The following HELQ variants were observed in gnomAD, a reference collection of about 807,000 sequenced individuals.
The protein encoded by HELQ is helicase, POLQ like, also known as helicase POLQ-like.
In HELQ, 77 loss-of-function variants were observed where a neutral mutation model predicts 111.6. The observed-to-expected ratio is 0.69, with a 90% CI of 0.57 to 0.83. The LOEUF is 0.83. HELQ is among the 40% of genes least tolerant of loss of function. The pLI is 0.00. For synonymous variants in HELQ, 438 were observed against 454.7 expected, an observed-to-expected ratio of 0.96 and a Z score of 0.47; for missense variants, 1,200 against 1,288.5, an observed-to-expected ratio of 0.93 and a Z score of 1.05.
chr4:83,427,848 A>G, intron 12 of HELQ, 128 bp from the exon 13 acceptor site: 1 of 571,130 alleles, frequency 1.8e-6, no homozygotes, highest in Non-Finnish European at 2.9e-6. Context: ...ACATCTTACT[A>G]TATAACTATT....
In HELQ at chr4:83,407,545, T is replaced by C. The variant is rs1738859346; in HGVS notation, c.3214A>G (p.Lys1072Glu). 2 of 1,610,576 alleles carry C rather than the reference T, an allele frequency of 1.2e-6. No individual in the cohort carries two copies. The highest frequency in any genetic ancestry group is 1.7e-6 in the Non-Finnish European group (2 of 1,178,698). Residue 1072 changes from lysine (K) to glutamate (E), a missense_variant, in exon 18 of 18, where the codon AAA becomes GAA. Lys to Glu is a moderately conservative substitution (Grantham distance 56). This residue lies in a region of HELQ where 585 missense variants were observed against 665.3 expected (regional missense o/e 0.88). Transcript: ENST00000295488. ...ACCTCTTCTTGCAGGGCTTCTGCTT[T>C]TTCATGCAACAGCATCTACATTAAA... is the stretch of plus-strand genomic sequence containing the variant. ...VSSAKMLLHE[K>E]AEALQEEVEE...
intron 15 of HELQ, 91 bp downstream of exon 15, chr4:83,421,472 T>G: frequency 2.3e-6 from 2 of 874,476 alleles, no homozygotes; most frequent in Non-Finnish European, 3.5e-6. Flanking sequence ...AAGGAGAAAA[T>G]GCTGACATAC....
intron 3 of HELQ, 89 bp from the exon 4 acceptor site, chr4:83,447,124 G>C (rs1721093815): frequency 1.2e-6 from 1 of 800,070 alleles, no homozygotes. Flanking sequence ...GAGGCGGGAA[G>C]ATCACTTGAG....
At chr4:83,415,198 C>G (rs1197230116) in intron 17 of HELQ, among the ~76,000 whole-genome samples, 1 of 152,116 alleles carries the variant, frequency 6.6e-6, no homozygotes. Flanking sequence ...GAGCAGAAGG[C>G]AATGGCAAAC....
intron 9 of HELQ, among the ~76,000 whole-genome samples, chr4:83,432,761 T>G (rs1449474986): frequency 6.6e-6 from 1 of 152,168 alleles, no homozygotes; most frequent in Non-Finnish European, 1.5e-5. Context: ...AAAATGGTGA[T>G]TTCAGCCAGG....
At chr4:83,410,569 G>A (rs1312360036) in intron 17 of HELQ, among the ~76,000 whole-genome samples, 1 of 152,072 alleles carries the variant, frequency 6.6e-6, no homozygotes, top group Non-Finnish European at 1.5e-5. Flanking sequence ...TTGGAGAAAG[G>A]AAGTACAAAT....
chr4:83,413,496 A>G (rs770333395), intron 17 of HELQ, among the ~76,000 whole-genome samples: 1 of 152,148 alleles, frequency 6.6e-6, no homozygotes, highest in African/African-American at 2.4e-5. Flanking sequence ...GGGTTAATAT[A>G]TTTTGCATGT....
At chr4:83,426,531 T>A (rs1404089022) in intron 13 of HELQ, among the ~76,000 whole-genome samples, 3 of 151,626 alleles carry the variant, frequency 2.0e-5, no homozygotes, top group Non-Finnish European at 4.4e-5. Context: ...TTAAAAGATG[T>A]ATACTACCTC....
Position 83,453,300 on chromosome 4 carries a change from G to T in HELQ, c.943C>A (p.Pro315Thr). The T allele has an allele frequency of 6.2e-7, 1 of 1,613,860 alleles. No individual in the cohort carries two copies. The highest frequency in any genetic ancestry group is 8.5e-7 in the Non-Finnish European group (1 of 1,179,890). ...TVESSSNDLG[P>T]FYSLPSKVRD... Reference sequence around the variant, plus strand: ...ACTTTGCTGGGTAATGAATAAAAAGGACCAAGGTCATTTGATGATGACTCA... The same window carrying T: ...ACTTTGCTGGGTAATGAATAAAAAGTACCAAGGTCATTTGATGATGACTCA... Residue 315 changes from proline to threonine, a missense_variant, in exon 2 of 18, where the codon CCT becomes ACT. By Grantham distance (38) the Pro-to-Thr change is conservative. Around this residue, in one of 3 missense-constraint regions of HELQ, gnomAD observed 610 missense variants for 607.1 expected, o/e 1.00. Transcript: ENST00000295488.
intron 13 of HELQ, among the ~76,000 whole-genome samples, chr4:83,427,055 A>C (rs951241016): frequency 5.9e-5 from 9 of 152,206 alleles, no homozygotes; most frequent in African/African-American, 2.2e-4. Context: ...GCTTTCATGT[A>C]ATTAAACTCT....
chr4:83,446,796 T>C, intron 4 of HELQ, 39 bp downstream of exon 4: 1 of 1,203,004 alleles, frequency 8.3e-7, no homozygotes, highest in East Asian at 2.3e-5. Flanking sequence ...ATATTTAGTA[T>C]AATAAAAATA....
chr4:83,448,607 T>C (rs1721176951), intron 3 of HELQ, among the ~76,000 whole-genome samples, 176 bp downstream of exon 3: 1 of 151,042 alleles, frequency 6.6e-6, no homozygotes, highest in African/African-American at 2.4e-5. Flanking sequence ...GAGGCGGAGG[T>C]TGCAGTGAGC....
chr4:83,407,699 G>A, intron 17 of HELQ, 139 bp from the exon 18 acceptor site: 1 of 609,646 alleles, frequency 1.6e-6, no homozygotes, highest in Non-Finnish European at 2.9e-6. Flanking sequence ...ATTGAAAAAT[G>A]GCCACTTAAG....
rs1719904639 is a variant in HELQ, at chr4:83,427,440, A to G, written c.2676+123T>C. The G allele has an allele frequency of 4.6e-6, 3 of 657,180 alleles. No homozygotes were observed. In the East Asian group the frequency reaches 9.5e-5, roughly 21 times the overall value. The allele number at this position is 657,180 out of a possible 1,614,324, so 40.7% of individuals were successfully genotyped here. On this transcript the variant is annotated intron_variant, in intron 13 of 17. Transcript: ENST00000295488. Reference sequence around the variant, plus strand: ...GAGGACAATGTGGGAAGACTGCTTGAGCCTAGGAGTTTGAGACCAGCCTGG... The same window carrying G: ...GAGGACAATGTGGGAAGACTGCTTGGGCCTAGGAGTTTGAGACCAGCCTGG...
chr4:83,453,891 A>G lies in HELQ; in HGVS notation c.352T>C (p.Ser118Pro), dbSNP rs757579371. The change falls in exon 2 of 18, where the codon TCC becomes CCC. Residue 118 changes from serine to proline, a missense_variant. Physicochemically the swap from Ser to Pro is moderately conservative, Grantham distance 74 (BLOSUM62 -1). Around this residue, in one of 3 missense-constraint regions of HELQ, gnomAD observed 610 missense variants for 607.1 expected, o/e 1.00. Coordinates refer to ENST00000295488, the MANE Select transcript of HELQ (RefSeq NM_133636.5). Reference sequence around the variant, plus strand: ...AGGTCGTCAACTTGAGCTATAAAGGAGTTTTCAGTAAAGCTATCATAGTCA... The same window carrying G: ...AGGTCGTCAACTTGAGCTATAAAGGGGTTTTCAGTAAAGCTATCATAGTCA... Reference protein sequence around the residue: ...FGDYDSFTENSFIAQVDDLEQ... With the variant: ...FGDYDSFTENPFIAQVDDLEQ... 6.2e-7 allele frequency: 1 copy of G among 1,613,958 alleles called. No individual in the cohort carries two copies. The highest frequency in any genetic ancestry group is 8.5e-7 in the Non-Finnish European group (1 of 1,179,920).
chr4:83,439,815 T>C lies in HELQ; in HGVS notation c.1808+48A>G. The C allele has an allele frequency of 2.5e-6, 3 of 1,218,582 alleles. No individual in the cohort carries two copies. In the South Asian group the frequency reaches 3.9e-5, roughly 16 times the overall value. 75.5% of individuals were successfully genotyped at this position (1,218,582 alleles called of 1,614,324 possible). On this transcript the variant is annotated intron_variant, in intron 8 of 17. Transcript: ENST00000295488. Reference sequence around the variant, plus strand: ...CCCAATAAAATTAATACATAGTCTGTAATTCCTAATAAAAATAAAACAGGC... The same window carrying C: ...CCCAATAAAATTAATACATAGTCTGCAATTCCTAATAAAAATAAAACAGGC...
intron 13 of HELQ, among the ~76,000 whole-genome samples, chr4:83,426,355 A>G (rs1719848543): frequency 6.6e-6 from 1 of 151,966 alleles, no homozygotes; most frequent in Non-Finnish European, 1.5e-5. Context: ...GGCTGAGGGG[A>G]AGGAGAAGGA....
At position 83,429,586 on chromosome 4, in the gene HELQ, T is replaced by C. The variant is rs75238520; in HGVS notation, c.2456A>G (p.Lys819Arg). The C allele has an allele frequency of 2.1e-3, 3,454 of 1,612,948 alleles. 46 individuals are homozygous for C. The African/African-American group carries it at 0.034, about 16-fold the overall frequency. Residue 819 changes from lysine (K) to arginine (R), a missense_variant, in exon 12 of 18, where the codon AAG (lysine) becomes AGG (arginine). Lys to Arg is a conservative substitution (Grantham distance 26). Transcript: ENST00000295488. ...ATTATATTGGACCTCTTCTTCAGAC[T>C]TATAAATAGTGTCTTTTTGTAGGAG... is the stretch of plus-strand genomic sequence containing the variant. ...KGLLQKDTIY[K>R]SEEEVQYNFH... is the part of the protein sequence containing the mutation.
In HELQ at chr4:83,437,109, ATC is replaced by A; in HGVS notation, c.1809-14_1809-13del. The stretch of plus-strand genomic sequence containing the variant: ...GTTTCAGATATTCCCTATGAAAAAG[ATC>A]TGTTAGAAATATGAGCCCTTGATCT... On this transcript the variant is annotated splice_polypyrimidine_tract_variant and intron_variant, in intron 8 of 17. Coordinates refer to ENST00000295488, the MANE Select transcript of HELQ (RefSeq NM_133636.5). 6.2e-7 allele frequency: 1 copy of A among 1,611,386 alleles called. No homozygotes were observed.
Sources: allele counts gnomAD v4.1 joint callset (sites outside exome capture counted in the v4.1 genomes callset), GRCh38; gene constraint gnomAD v4.1.1; regional missense constraint gnomAD v4.1.1; transcripts MANE v1.5; gene names NCBI Gene and HGNC (gene_info 2026-07-23, HGNC 2026-07-21).